The following CACNG4 variants were observed in gnomAD, a reference collection of about 807,000 sequenced individuals.
CACNG4 encodes calcium voltage-gated channel auxiliary subunit gamma 4.
CACNG4 carries 8 observed loss-of-function variants against 22.9 expected under a neutral mutation model. The ratio of observed to expected loss-of-function variants is 0.35; its 90% CI spans 0.21 to 0.63. The LOEUF (loss-of-function observed/expected upper bound fraction) is 0.63, where lower values mean the gene tolerates loss of function less well. CACNG4 is among the 30% of genes least tolerant of loss of function. The probability of loss-of-function intolerance (pLI) is 0.72; values close to 1 mark genes in which losing one functional copy is unlikely to be tolerated. For synonymous variants in CACNG4, 188 were observed against 191.9 expected (o/e 0.98, Z 0.17); for missense variants, 357 against 455.4 (o/e 0.78, Z 1.97).
intron 2 of CACNG4, 96 bp from the exon 3 acceptor site, chr17:67,024,763 TG>T: frequency 7.7e-7 from 1 of 1,292,426 alleles, no homozygotes. Flanking sequence ...GGGAAGGGCC[TG>T]GAGCTGCAAG....
At chr17:67,000,987 C>T (rs1567755097) in intron 1 of CACNG4, among the ~76,000 whole-genome samples, 2 of 151,996 alleles carry the variant, frequency 1.3e-5, no homozygotes, top group African/African-American at 4.8e-5. Context: ...ACCCAAATCT[C>T]ATCTTGAATT....
At chr17:67,012,185 T>C (rs1400411879) in intron 1 of CACNG4, among the ~76,000 whole-genome samples, 1 of 152,188 alleles carries the variant, frequency 6.6e-6, no homozygotes, top group African/African-American at 2.4e-5. Flanking sequence ...GGACCAGGTG[T>C]TCCCTGAGCC....
chr17:67,029,803 C>T (rs1248855697), intron 3 of CACNG4, among the ~76,000 whole-genome samples: 1 of 152,158 alleles, frequency 6.6e-6, no homozygotes, highest in Non-Finnish European at 1.5e-5. Context: ...GGCTACTGTG[C>T]GGTAAATCAA....
At position 67,030,452 on chromosome 17, in the gene CACNG4, C is replaced by T. The variant is rs774364056; in HGVS notation, c.446-14C>T. 1.1e-5 allele frequency: 18 copies of T among 1,610,218 alleles called. No homozygotes were observed. The highest frequency in any genetic ancestry group is 8.8e-5 in the South Asian group (8 of 90,804). ...CTCCCTGGCCCCGCTCCCCGCTCCC[C>T]GCTTCCCTTTCAGGCCTCAGTAACA... On this transcript the variant is annotated splice_polypyrimidine_tract_variant and intron_variant, in intron 3 of 3. Coordinates refer to ENST00000262138, the MANE Select transcript of CACNG4 (RefSeq NM_014405.4). This position sits in a 1 kb window ranked among gnomAD's most constrained non-coding sequence, Gnocchi z 6.4.
At chr17:66,978,865 T>C (rs1328829310) in intron 1 of CACNG4, among the ~76,000 whole-genome samples, 3 of 152,276 alleles carry the variant, frequency 2.0e-5, no homozygotes, top group African/African-American at 4.8e-5. Flanking sequence ...TGCGGATTCC[T>C]GAGCGTGAGT....
chr17:67,026,450 T>G (rs1423652497), intron 3 of CACNG4, among the ~76,000 whole-genome samples: 1 of 143,456 alleles, frequency 7.0e-6, no homozygotes, highest in Admixed American at 6.9e-5. Flanking sequence ...AGGAATGTGG[T>G]GTATGTGTGT....
chr17:67,006,732 T>A (rs1162758354), intron 1 of CACNG4, among the ~76,000 whole-genome samples: 1 of 152,186 alleles, frequency 6.6e-6, no homozygotes, highest in Non-Finnish European at 1.5e-5. Flanking sequence ...CCAGGCAGGA[T>A]CCACGGGGCC....
chr17:67,018,155 A>G (rs1302041235), intron 1 of CACNG4, 34 bp from the exon 2 acceptor site: 1 of 1,519,958 alleles, frequency 6.6e-7, no homozygotes, highest in Admixed American at 1.7e-5. Context: ...CCCAGACAGC[A>G]TTTACAGTGT....
intron 1 of CACNG4, among the ~76,000 whole-genome samples, chr17:66,967,495 G>A (rs773250790): frequency 6.6e-6 from 1 of 152,022 alleles, no homozygotes; most frequent in South Asian, 2.1e-4. Context: ...CACCTCCTAC[G>A]ATGCCTCCAC....
chr17:66,994,085 C>T (rs546724337), intron 1 of CACNG4, among the ~76,000 whole-genome samples: 1 of 151,912 alleles, frequency 6.6e-6, no homozygotes, highest in Non-Finnish European at 1.5e-5. Context: ...AATTTCAGCA[C>T]TTTGGGAGGC....
At position 66,965,083 on chromosome 17, in the gene CACNG4, C is replaced by T. The variant is rs1169983327; in HGVS notation, c.172C>T (p.Arg58Cys). The change falls in exon 1 of 4, where the codon CGC (arginine) becomes TGC (cysteine). Residue 58 changes from arginine to cysteine, a missense_variant. Arg to Cys is a radical substitution (Grantham distance 180). Around this residue, in one of 3 missense-constraint regions of CACNG4, gnomAD observed 114 missense variants for 161.6 expected, o/e 0.71. Coordinates refer to ENST00000262138, the MANE Select transcript of CACNG4 (RefSeq NM_014405.4). ...CGACGGGCCCCCGCCCCGCCGCGCC[C>T]GCGGCGACCTCACCCACTCTGGTCT... ...MDDGPPPRRA[R>C]GDLTHSGLWR... The T allele has an allele frequency of 1.2e-6, 2 of 1,603,924 alleles. No homozygotes were observed. Among genetic ancestry groups the T allele is most frequent in the African/African-American group, 1.3e-5 (1 of 74,436 alleles).
chr17:66,981,919 AAG>A (rs1052109480), intron 1 of CACNG4, among the ~76,000 whole-genome samples: 8 of 152,192 alleles, frequency 5.3e-5, no homozygotes, highest in African/African-American at 1.9e-4. Context: ...TTATTGCAGA[AAG>A]AGAGCTAACT....
intron 1 of CACNG4, among the ~76,000 whole-genome samples, chr17:66,985,887 G>T (rs2035302590): frequency 6.6e-6 from 1 of 152,106 alleles, no homozygotes; most frequent in Non-Finnish European, 1.5e-5. Context: ...GAAGTTTCTA[G>T]ATGGTAAGTC....
chr17:66,970,918 G>A (rs2035200368), intron 1 of CACNG4, among the ~76,000 whole-genome samples: 1 of 152,136 alleles, frequency 6.6e-6, no homozygotes, highest in South Asian at 2.1e-4. Flanking sequence ...TAAATCCCCT[G>A]TGTCAGTCTC....
chr17:67,005,056 C>T lies in CACNG4; in HGVS notation c.221-13133C>T, dbSNP rs185907173. 7.2e-5 allele frequency among the ~76,000 whole-genome samples: 11 copies of T among 152,254 alleles called. No homozygotes were observed. The South Asian group carries it at 1.9e-3, about 26-fold the overall frequency. On this transcript the variant is annotated intron_variant, in intron 1 of 3. Transcript: ENST00000262138. ...GGAATGTATCGGAAGGATGTGGAAG[C>T]GTCCCAAAGGATGGAAGGGAGAGCT...
chr17:66,965,250 G>A, intron 1 of CACNG4, 119 bp downstream of exon 1: 1 of 651,800 alleles, frequency 1.5e-6, no homozygotes, highest in Non-Finnish European at 2.4e-6. Context: ...CGGCGCGCGG[G>A]CCGGGGAGAG....
At position 66,965,011 on chromosome 17, in the gene CACNG4, C is replaced by T. The variant is rs564332565; in HGVS notation, c.100C>T (p.Leu34=). The T allele has an allele frequency of 1.9e-6, 3 of 1,611,510 alleles. No individual in the cohort carries two copies. In the East Asian group the frequency reaches 6.7e-5, roughly 36 times the overall value. Residue 34 remains leucine, a synonymous_variant, in exon 1 of 4, where the codon CTG becomes TTG. Coordinates refer to ENST00000262138, the MANE Select transcript of CACNG4 (RefSeq NM_014405.4). ...CATCGCCATCGGCACCGACTACTGG[C>T]TGTACTCCAGCGCGCACATCTGCAA... ...MAIAIGTDYW[L]YSSAHICNGT...
rs770066593 is a variant in CACNG4 at position 66,984,848 on chromosome 17, G to A, written c.220+19717G>A. Among the ~76,000 whole-genome samples the A allele has an allele frequency of 6.6e-6, 1 of 152,184 alleles. No individual in the cohort carries two copies. Among genetic ancestry groups the A allele is most frequent in the African/African-American group, 2.4e-5 (1 of 41,444 alleles). On this transcript the variant is annotated intron_variant, in intron 1 of 3. Coordinates refer to ENST00000262138, the MANE Select transcript of CACNG4 (RefSeq NM_014405.4). The surrounding 1 kb of genome is among the most constrained non-coding windows in gnomAD (Gnocchi z 4.0). ...CGAGCCTGAGTTTAGCCTCGAGCCT[G>A]AGCCTGCCTCAGGGTCCCCAGGGTT...
rs1378871517 is a variant in CACNG4 at position 67,030,870 on chromosome 17, C to A, written c.850C>A (p.Leu284Ile). The A allele has an allele frequency of 1.2e-6, 2 of 1,612,880 alleles. No homozygotes were observed. The highest frequency in any genetic ancestry group is 2.7e-5 in the African/African-American group (2 of 74,888). The change falls in exon 4 of 4, where the codon CTC becomes ATC. Residue 284 changes from leucine to isoleucine, a missense_variant. Physicochemically the swap from Leu to Ile is conservative, Grantham distance 5. Around this residue, in one of 3 missense-constraint regions of CACNG4, gnomAD observed 240 missense variants for 277.6 expected, o/e 0.86. Transcript: ENST00000262138. This position sits in a 1 kb window ranked among gnomAD's most constrained non-coding sequence, Gnocchi z 6.4. ...CATGTACACGCTGTCCAGGGAGCCC[C>A]TCAAGGTGACCACCGCAGCCAGCTA... is the stretch of plus-strand genomic sequence containing the variant. ...LSMYTLSREP[L>I]KVTTAASYSP...
Sources: gnomAD v4.1 joint callset for allele counts (sites outside exome capture counted in the v4.1 genomes callset) on GRCh38, gnomAD v4.1.1 for gene constraint, gnomAD v4.1.1 regional missense constraint, Gnocchi (gnomAD v3.1) non-coding constraint, MANE v1.5 for transcripts, NCBI Gene and HGNC (gene_info 2026-07-23, HGNC 2026-07-21) for gene names.